The following POLE variants were observed in gnomAD, a reference collection of about 807,000 sequenced individuals.
The protein encoded by POLE is DNA polymerase epsilon catalytic subunit A.
Under a neutral mutation model 279.2 loss-of-function variants are expected in POLE, and 188 were observed. The observed-to-expected ratio is 0.67, with a 90% confidence interval of 0.60 to 0.76. The LOEUF (loss-of-function observed/expected upper bound fraction) is 0.76. POLE is among the 30% of genes least tolerant of loss of function. The pLI is 0.00. For missense variants in POLE, 2,703 were observed against 3,016.7 expected, an observed-to-expected ratio of 0.90 and a Z score of 2.44; for synonymous variants, 1,214 against 1,172.5, an observed-to-expected ratio of 1.04 and a Z score of -0.72.
chr12:132,676,507 C>A, intron 9 of POLE, 39 bp downstream of exon 9: 2 of 1,270,180 alleles, frequency 1.6e-6, no homozygotes, highest in Non-Finnish European at 2.3e-6. Flanking sequence ...GACAAGGTCC[C>A]CATCCCAGGA....
At chr12:132,643,098 C>G in intron 35 of POLE, 102 bp from the exon 36 acceptor site, 1 of 1,472,374 alleles carries the variant, frequency 6.8e-7, no homozygotes, top group Non-Finnish European at 9.2e-7. Flanking sequence ...AATTCAATCA[C>G]GACAAGCACT....
chr12:132,627,019 G>T (rs11610985), intron 45 of POLE, among the ~76,000 whole-genome samples: 1 of 152,210 alleles, frequency 6.6e-6, no homozygotes, highest in East Asian at 1.9e-4. Flanking sequence ...GGTGGCTCAC[G>T]CCTGTAATCC....
chr12:132,675,982 A>G lies in POLE; in HGVS notation c.1020+112T>C. 1.1e-6 allele frequency: 1 copy of G among 938,804 alleles called. No homozygotes were observed. The allele number at this position is 938,804 out of a possible 1,614,324, so 58.2% of individuals were successfully genotyped here. On this transcript the variant is annotated intron_variant, in intron 10 of 48. Transcript: ENST00000320574. This position sits in a 1 kb window ranked among gnomAD's most constrained non-coding sequence, Gnocchi z 4.3. ...GAAAAGACGGTCATACCCTGAGAACAAAGCTCATGGAGCTGCAATTCTGAT... is the reference window on the plus strand; with the variant it reads ...GAAAAGACGGTCATACCCTGAGAACGAAGCTCATGGAGCTGCAATTCTGAT...
rs542922343 is a variant in POLE at position 132,676,704 on chromosome 12, C to T, written c.802-51G>A. On this transcript the variant is annotated intron_variant, in intron 8 of 48. Coordinates refer to ENST00000320574, the MANE Select transcript of POLE (RefSeq NM_006231.4). ...CCAAGCTCTAAACTCCCCATTAGGC[C>T]TCCCTGAACACCCACCCCCAGCCTG... is the stretch of plus-strand genomic sequence containing the variant. 12 of 1,131,892 alleles carry T rather than the reference C, an allele frequency of 1.1e-5. No homozygotes were observed. In the South Asian group the frequency reaches 1.5e-4, roughly 14 times the overall value. 70.1% of individuals were successfully genotyped at this position (1,131,892 alleles called of 1,614,324 possible).
Position 132,667,616 on chromosome 12 carries a change from T to C in POLE, c.2206A>G (p.Ile736Val), listed in dbSNP as rs1246940718. The C allele has an allele frequency of 6.8e-6, 11 of 1,614,126 alleles. No individual in the cohort carries two copies. The South Asian group carries it at 7.7e-5, about 11-fold the overall frequency. The change falls in exon 20 of 49, where the codon ATC becomes GTC. Residue 736 changes from isoleucine to valine, a missense_variant. Physicochemically the swap from Ile to Val is conservative, Grantham distance 29 (BLOSUM62 3). Around this residue, in one of 5 missense-constraint regions of POLE, gnomAD observed 1,011 missense variants for 1,111.7 expected, o/e 0.91. Transcript: ENST00000320574. ...YCRKAYKKIH[I>V]TKVEERLTTI... The stretch of plus-strand genomic sequence containing the variant: ...GTGAGACGCTCTTCCACCTTGGTGA[T>C]GTGGATCTTCTTGTAGGCTTTCCGG...
rs1259912985 is a variant in POLE at position 132,642,673 on chromosome 12, C to T, written c.4785G>A (p.Arg1595=). 6.2e-7 allele frequency: 1 copy of T among 1,613,796 alleles called. No individual in the cohort carries two copies. The highest frequency in any genetic ancestry group is 8.5e-7 in the Non-Finnish European group (1 of 1,180,038). ...CCAAGACAGGAATTTCACTGGCCAGCCTCTTCAGCTCCCAGCTGGACTGAA... is the reference window on the plus strand; with the variant it reads ...CCAAGACAGGAATTTCACTGGCCAGTCTCTTCAGCTCCCAGCTGGACTGAA... ...IAVQSSWELK[R]LASEIPVLEE... The change falls in exon 37 of 49, where the codon AGG becomes AGA. Residue 1595 remains arginine, a synonymous_variant. Coordinates refer to ENST00000320574, the MANE Select transcript of POLE (RefSeq NM_006231.4).
In POLE at chr12:132,639,240, A is replaced by G. The variant is rs1180742425; in HGVS notation, c.5437T>C (p.Tyr1813His). The G allele has an allele frequency of 6.2e-7, 1 of 1,614,120 alleles. No homozygotes were observed. The highest frequency in any genetic ancestry group is 8.5e-7 in the Non-Finnish European group (1 of 1,179,982). ...VKEITQYHNIYADNQVMHFYR... is the reference protein window; with the variant it reads ...VKEITQYHNIHADNQVMHFYR... ...AAGTGCATCACCTGGTTGTCTGCAT[A>G]GATGTTGTGGTACTGGGTGATCTCC... Residue 1813 changes from tyrosine to histidine, a missense_variant, in exon 40 of 49, where the codon TAT becomes CAT. Coordinates refer to ENST00000320574, the MANE Select transcript of POLE (RefSeq NM_006231.4). This position sits in a 1 kb window ranked among gnomAD's most constrained non-coding sequence, Gnocchi z 4.7.
chr12:132,630,331 T>C (rs2041912539), intron 45 of POLE, among the ~76,000 whole-genome samples: 1 of 152,172 alleles, frequency 6.6e-6, no homozygotes, highest in South Asian at 2.1e-4. Flanking sequence ...TGCAATCAGA[T>C]ATCCCATGCA....
Position 132,638,000 on chromosome 12 carries a change from C to A in POLE, c.5678+14G>T, listed in dbSNP as rs2138499594. The A allele has an allele frequency of 6.2e-7, 1 of 1,613,228 alleles. No homozygotes were observed. Among genetic ancestry groups the A allele is most frequent in the Non-Finnish European group, 8.5e-7 (1 of 1,179,428 alleles). ...AAGCCACAGTGCTGCGTCACCAGGA[C>A]CAGCCAGCCGCACCTGCTGGTGATG... On this transcript the variant is annotated intron_variant, in intron 41 of 48. Coordinates refer to ENST00000320574, the MANE Select transcript of POLE (RefSeq NM_006231.4).
chr12:132,626,395 A>T, intron 45 of POLE, 78 bp from the exon 46 acceptor site: 11 of 1,352,894 alleles, frequency 8.1e-6, no homozygotes, highest in Non-Finnish European at 1.2e-5. Flanking sequence ...AACCCTCTGG[A>T]CCTTAGGCTA....
intron 2 of POLE, 26 bp from the exon 3 acceptor site, chr12:132,680,713 C>T (rs370138671): frequency 2.6e-6 from 4 of 1,560,210 alleles, no homozygotes; most frequent in Non-Finnish European, 2.7e-6. Context: ...TCAACACAGA[C>T]ACAAGACCAT....
At chr12:132,631,835 C>A (rs533381420) in intron 45 of POLE, among the ~76,000 whole-genome samples, 1 of 152,148 alleles carries the variant, frequency 6.6e-6, no homozygotes, top group East Asian at 1.9e-4. Context: ...AGGGCCTTTG[C>A]GTCTTCCCTC....
At chr12:132,682,480 G>A (rs1219096566) in intron 1 of POLE, among the ~76,000 whole-genome samples, 7 of 151,254 alleles carry the variant, frequency 4.6e-5, no homozygotes, top group East Asian at 2.0e-4. Flanking sequence ...GTGAAACTTC[G>A]TCTCAAAAAA....
intron 3 of POLE, 131 bp from the exon 4 acceptor site, chr12:132,680,353 C>G: frequency 1.2e-6 from 1 of 824,214 alleles, no homozygotes. Flanking sequence ...TGGTAGCATA[C>G]AGGAAGTCAG....
At position 132,675,832 on chromosome 12, in the gene POLE, TCA is replaced by T; in HGVS notation, c.1021-14_1021-13del. 1.2e-6 allele frequency: 2 copies of T among 1,604,926 alleles called. No individual in the cohort carries two copies. Among genetic ancestry groups the T allele is most frequent in the Non-Finnish European group, 1.7e-6 (2 of 1,171,606 alleles). On this transcript the variant is annotated splice_polypyrimidine_tract_variant and intron_variant, in intron 10 of 48. Coordinates refer to ENST00000320574, the MANE Select transcript of POLE (RefSeq NM_006231.4). The surrounding 1 kb of genome is among the most constrained non-coding windows in gnomAD (Gnocchi z 4.3). The stretch of plus-strand genomic sequence containing the variant: ...TGGATCAGATGAGCCTGAACCCAAG[TCA>T]CAGCAGTCAGAGGTCTGCTCTTTCT...
intron 30 of POLE, 23 bp downstream of exon 30, chr12:132,649,654 A>G: frequency 6.2e-7 from 1 of 1,612,514 alleles, no homozygotes; most frequent in Non-Finnish European, 8.5e-7. Flanking sequence ...AGAGACAGAC[A>G]GTATCACAGC....
At chr12:132,676,791 AG>A in intron 8 of POLE, 138 bp from the exon 9 acceptor site, 1 of 633,580 alleles carries the variant, frequency 1.6e-6, no homozygotes, top group Non-Finnish European at 2.8e-6. Context: ...AAGGACCCTA[AG>A]ACTAACCAAC....
At chr12:132,682,853 TGAGGCAGGAGAATGGCGTGAATCCAG>T (rs1355765880) in intron 1 of POLE, among the ~76,000 whole-genome samples, 1 of 151,818 alleles carries the variant, frequency 6.6e-6, no homozygotes, top group Non-Finnish European at 1.5e-5. Context: ...CTCGGGAGGC[TGAGGCAGGAGAATGGCGTGAATCCAG>T]GAGGCAGAGC....
intron 1 of POLE, among the ~76,000 whole-genome samples, chr12:132,685,825 T>G (rs1324183205): frequency 2.0e-5 from 3 of 152,204 alleles, no homozygotes; most frequent in African/African-American, 4.8e-5. Flanking sequence ...CTGGGAAGAA[T>G]TTTGTTCAGC....
Sources: allele counts gnomAD v4.1 joint callset (sites outside exome capture counted in the v4.1 genomes callset), GRCh38; gene constraint gnomAD v4.1.1; regional missense constraint gnomAD v4.1.1; non-coding constraint Gnocchi (gnomAD v3.1); transcripts MANE v1.5; gene names NCBI Gene and HGNC (gene_info 2026-07-23, HGNC 2026-07-21).